ADCY2: variants seen among roughly 807,000 people sequenced by gnomAD.
The protein encoded by ADCY2 is adenylate cyclase 2.
In ADCY2, 31 loss-of-function variants were observed where a neutral mutation model predicts 125.2. The ratio of observed to expected loss-of-function variants is 0.25; its 90% CI spans 0.19 to 0.33. The LOEUF is 0.33. Ranked by LOEUF, ADCY2 falls within the 10% of genes least tolerant of loss-of-function variation. The probability of loss-of-function intolerance (pLI) is 1.00; values close to 1 mark genes in which losing one functional copy is unlikely to be tolerated. For synonymous variants in ADCY2, 512 were observed against 548.4 expected, an observed-to-expected ratio of 0.93 and a Z score of 0.93; for missense variants, 904 against 1,418.2, an observed-to-expected ratio of 0.64 and a Z score of 5.82.
chr5:7,813,309 A>G (rs1745000794), intron 22 of ADCY2, among the ~76,000 whole-genome samples: 1 of 152,234 alleles, frequency 6.6e-6, no homozygotes, highest in Non-Finnish European at 1.5e-5. Context: ...GAAGAGGGAG[A>G]AGAGAGTACA....
chr5:7,445,859 CAT>C (rs1251353434), intron 2 of ADCY2, among the ~76,000 whole-genome samples: 1 of 152,118 alleles, frequency 6.6e-6, no homozygotes, highest in African/African-American at 2.4e-5. Flanking sequence ...AAAGAATCCT[CAT>C]ATTGTTTTCA....
chr5:7,660,990 A>G (rs1739509144), intron 4 of ADCY2, among the ~76,000 whole-genome samples: 1 of 152,160 alleles, frequency 6.6e-6, no homozygotes, highest in African/African-American at 2.4e-5. Context: ...AGAAACTCAA[A>G]AAATCTTCAC....
At chr5:7,563,186 A>C (rs1247501318) in intron 3 of ADCY2, among the ~76,000 whole-genome samples, 1 of 152,234 alleles carries the variant, frequency 6.6e-6, no homozygotes, top group Non-Finnish European at 1.5e-5. Context: ...TAATGGAACC[A>C]ACATGAACTT....
intron 15 of ADCY2, among the ~76,000 whole-genome samples, chr5:7,750,445 T>C (rs996454293): frequency 6.6e-6 from 1 of 152,196 alleles, no homozygotes; most frequent in African/African-American, 2.4e-5. Context: ...CTGCTCAAAT[T>C]ATTCAATGTT....
chr5:7,492,132 C>T (rs1163603858), intron 2 of ADCY2, among the ~76,000 whole-genome samples: 1 of 152,076 alleles, frequency 6.6e-6, no homozygotes, highest in Non-Finnish European at 1.5e-5. Context: ...AATTCTTGAC[C>T]AGGTTGAAAG....
chr5:7,491,574 CTTTTCT>C (rs1743165860), intron 2 of ADCY2, among the ~76,000 whole-genome samples: 2 of 151,974 alleles, frequency 1.3e-5, no homozygotes, highest in South Asian at 4.2e-4. Flanking sequence ...ATTTTTTGTT[CTTTTCT>C]TTTTGTGCAT....
intron 2 of ADCY2, among the ~76,000 whole-genome samples, chr5:7,435,724 G>C (rs768585197): frequency 1.3e-5 from 2 of 152,174 alleles, no homozygotes; most frequent in African/African-American, 2.4e-5. Context: ...CATTGTCCAC[G>C]TGTGTCAATA....
intron 16 of ADCY2, among the ~76,000 whole-genome samples, chr5:7,761,415 G>A (rs1361265438): frequency 6.6e-6 from 1 of 152,032 alleles, no homozygotes; most frequent in African/African-American, 2.4e-5. Context: ...CCAAAGTGCT[G>A]GGATTACAGG....
At chr5:7,411,750 G>C (rs554195402) in intron 1 of ADCY2, among the ~76,000 whole-genome samples, 1 of 152,250 alleles carries the variant, frequency 6.6e-6, no homozygotes, top group South Asian at 2.1e-4. Flanking sequence ...TAAGACACTG[G>C]GTCTCTGTCT....
intron 2 of ADCY2, among the ~76,000 whole-genome samples, chr5:7,453,472 C>T (rs1050865204): frequency 6.6e-6 from 1 of 152,176 alleles, no homozygotes; most frequent in Non-Finnish European, 1.5e-5. Flanking sequence ...GGCGGTGAAT[C>T]CCTGTGTGTC....
chr5:7,574,836 A>T (rs1220567941), intron 3 of ADCY2, among the ~76,000 whole-genome samples: 1 of 152,200 alleles, frequency 6.6e-6, no homozygotes, highest in South Asian at 2.1e-4. Context: ...AAGAATGGTT[A>T]TTGAATTAGA....
chr5:7,481,165 T>A (rs747256183), intron 2 of ADCY2, among the ~76,000 whole-genome samples: 26 of 152,172 alleles, frequency 1.7e-4, no homozygotes, highest in Non-Finnish European at 2.9e-4. Flanking sequence ...CTCTTAAGGA[T>A]AGTAGCCATT....
In ADCY2 at chr5:7,804,570, G is replaced by A. The variant is rs780869730; in HGVS notation, c.2776-15G>A. 3.1e-6 allele frequency: 5 copies of A among 1,605,622 alleles called. No homozygotes were observed. The highest frequency in any genetic ancestry group is 4.3e-6 in the Non-Finnish European group (5 of 1,172,212). ...CATCCAGCTGAGTAACTGGACGGTT[G>A]TCATTGCTTCACAGCTTCTTTCCAA... On this transcript the variant is annotated splice_polypyrimidine_tract_variant and intron_variant, in intron 21 of 24. Coordinates refer to ENST00000338316, the MANE Select transcript of ADCY2 (RefSeq NM_020546.3).
intron 3 of ADCY2, among the ~76,000 whole-genome samples, chr5:7,622,143 G>A (rs960384565): frequency 1.3e-5 from 2 of 152,132 alleles, no homozygotes; most frequent in Admixed American, 6.6e-5. Flanking sequence ...GTTTGTCAGA[G>A]GTTCTGCTTA....
At chr5:7,720,965 T>C (rs1203867424) in intron 12 of ADCY2, among the ~76,000 whole-genome samples, 1 of 152,236 alleles carries the variant, frequency 6.6e-6, no homozygotes, top group Non-Finnish European at 1.5e-5. Context: ...CCTTGAGGAA[T>C]CGCCACACTG....
chr5:7,546,795 G>A (rs897560914), intron 3 of ADCY2, among the ~76,000 whole-genome samples: 5 of 152,042 alleles, frequency 3.3e-5, no homozygotes, highest in African/African-American at 9.7e-5. Flanking sequence ...TCCTTCTTTC[G>A]TTTACAGAAG....
At chr5:7,658,398 A>AG (rs1739410647) in intron 4 of ADCY2, among the ~76,000 whole-genome samples, 2 of 94,488 alleles carry the variant, frequency 2.1e-5, no homozygotes, top group African/African-American at 3.6e-5. Flanking sequence ...AGTGAAGAGA[A>AG]TTGTGTGTGT....
intron 4 of ADCY2, among the ~76,000 whole-genome samples, chr5:7,630,735 G>A (rs918740941): frequency 6.6e-6 from 1 of 150,484 alleles, no homozygotes. Context: ...TCCACCATAT[G>A]TAAAGTCATG....
In ADCY2 at chr5:7,628,036, T is replaced by C. The variant is rs142681052; in HGVS notation, c.720+1720T>C. Among the ~76,000 whole-genome samples the C allele has an allele frequency of 2.0e-3, 302 of 152,374 alleles. 1 individual carries two copies. Among genetic ancestry groups the C allele is most frequent in the South Asian group, 0.013 (61 of 4,830 alleles). On this transcript the variant is annotated intron_variant, in intron 4 of 24. Transcript: ENST00000338316. ...TTAAGAGACATAGATAGTTGTTAAC[T>C]TGGGACTATTATCCAGTTTATTCTT...
Sources: allele counts gnomAD v4.1 joint callset (sites outside exome capture counted in the v4.1 genomes callset), GRCh38; gene constraint gnomAD v4.1.1; transcripts MANE v1.5; gene names NCBI Gene and HGNC (gene_info 2026-07-23, HGNC 2026-07-21).